The following FNDC1 variants were observed in gnomAD, a reference collection of about 807,000 sequenced individuals.
The protein encoded by FNDC1 is fibronectin type III domain-containing protein 1.
A neutral mutation model predicts 168.0 loss-of-function variants in FNDC1; 96 were observed. That is an observed-to-expected ratio of 0.57 (90% confidence interval 0.48 to 0.68). The LOEUF (loss-of-function observed/expected upper bound fraction) is 0.68, where lower values mean the gene tolerates loss of function less well. Among genes scored for constraint, FNDC1 ranks in the 30% least tolerant of loss-of-function variants. The pLI is 0.00. For missense variants in FNDC1, 2,587 were observed against 2,482.1 expected (o/e 1.04, Z -0.90); for synonymous variants, 1,099 against 1,025.9 (o/e 1.07, Z -1.36).
chr6:159,261,831 G>A (rs188673941), intron 19 of FNDC1, among the ~76,000 whole-genome samples: 4 of 152,304 alleles, frequency 2.6e-5, no homozygotes, highest in Admixed American at 2.0e-4. Flanking sequence ...GTCAGGGGTG[G>A]TGGCTCATGC....
chr6:159,231,090 T>C (rs978078900), intron 10 of FNDC1, among the ~76,000 whole-genome samples: 1 of 86,964 alleles, frequency 1.1e-5, no homozygotes, highest in Non-Finnish European at 3.6e-5. Flanking sequence ...AAATTACAAA[T>C]TGGGGCCGGG....
At position 159,261,263 on chromosome 6, in the gene FNDC1, G is replaced by C; in HGVS notation, c.5248G>C (p.Glu1750Gln). Reference sequence around the variant, plus strand: ...CAGCCCTTCGGTCTCATTTGTCACCGAATCAGGTATGAATGACTTCACATT... The same window carrying C: ...CAGCCCTTCGGTCTCATTTGTCACCCAATCAGGTATGAATGACTTCACATT... ...PISPSVSFVT[E>Q]SDNPLLVVRP... The change falls in exon 19 of 23, where the codon GAA becomes CAA. Residue 1750 changes from glutamate to glutamine, a missense_variant. Coordinates refer to ENST00000297267, the MANE Select transcript of FNDC1 (RefSeq NM_032532.3). 1 of 1,609,626 alleles carries C rather than the reference G, an allele frequency of 6.2e-7. No individual in the cohort carries two copies. The highest frequency in any genetic ancestry group is 8.5e-7 in the Non-Finnish European group (1 of 1,176,546).
Position 159,225,559 on chromosome 6 carries a change from G to A in FNDC1, c.909G>A (p.Glu303=). The change falls in exon 8 of 23, where the codon GAG becomes GAA. Residue 303 remains glutamate, a synonymous_variant. Coordinates refer to ENST00000297267, the MANE Select transcript of FNDC1 (RefSeq NM_032532.3). ...GACAGTACACCGTGCGCTATCGAGA[G>A]AAGGGGGAATTGGCCAGGTGGGATT... ...ASRQYTVRYR[E]KGELARWDYK... 6.2e-7 allele frequency: 1 copy of A among 1,613,654 alleles called. No individual in the cohort carries two copies. Among genetic ancestry groups the A allele is most frequent in the South Asian group, 1.1e-5 (1 of 91,012 alleles).
rs1376511734 is a variant in FNDC1 at position 159,249,084 on chromosome 6, C to T, written c.4736C>T (p.Ser1579Leu). ...AGGCCACCAACCACCACTGAGCCTT[C>T]GACCACTGCTACCACACCGAGGGTG... Reference protein sequence around the residue: ...TSRPPTTTEPSTTATTPRVIP... With the variant: ...TSRPPTTTEPLTTATTPRVIP... The change falls in exon 16 of 23, where the codon TCG becomes TTG. Residue 1579 changes from serine (S) to leucine (L), a missense_variant. Transcript: ENST00000297267. The T allele has an allele frequency of 1.4e-5, 22 of 1,605,050 alleles. No individual in the cohort carries two copies. Among genetic ancestry groups the T allele is most frequent in the African/African-American group, 8.0e-5 (6 of 74,862 alleles).
rs1781601682 is a variant in FNDC1 at position 159,169,491 on chromosome 6, GGACGGCGGCGGGGACCC to G, written c.-95_-79del. 9.1e-6 allele frequency: 2 copies of G among 218,662 alleles called. No individual in the cohort carries two copies. The highest frequency in any genetic ancestry group is 1.8e-3 in the Middle Eastern group (1 of 546). The allele number at this position is 218,662 out of a possible 1,614,324, so 13.5% of individuals were successfully genotyped here. A position where few individuals can be genotyped will look rare whatever the true frequency, so the allele number is the denominator to read the frequency against. On this transcript the variant is annotated 5_prime_UTR_variant, in exon 1 of 23. Transcript: ENST00000297267. The surrounding 1 kb of genome is among the most constrained non-coding windows in gnomAD (Gnocchi z 6.8). ...ACCGCGCAGAGCGCGCAGAACAGACGGACGGCGGCGGGGACCCGACGGCGGCGCCTCGGCACTCCCCA... is the reference window on the plus strand; with the variant it reads ...ACCGCGCAGAGCGCGCAGAACAGACGGACGGCGGCGCCTCGGCACTCCCCA...
Position 159,266,246 on chromosome 6 carries a change from G to A in FNDC1, c.5446+1G>A. On this transcript the variant is annotated splice_donor_variant, in intron 21 of 22. Coordinates refer to ENST00000297267, the MANE Select transcript of FNDC1 (RefSeq NM_032532.3). LOFTEE classifies it high-confidence loss of function. The stretch of plus-strand genomic sequence containing the variant: ...ATCTACCTCAGTGACAACCTGAAAG[G>A]TAAGTCTTTGTGCATGGTTGGCTAT... The A allele has an allele frequency of 6.2e-7, 1 of 1,613,802 alleles. No individual in the cohort carries two copies. Among genetic ancestry groups the A allele is most frequent in the African/African-American group, 1.3e-5 (1 of 75,028 alleles).
At chr6:159,214,877 T>A in intron 4 of FNDC1, 68 bp from the exon 5 acceptor site, 1 of 1,402,184 alleles carries the variant, frequency 7.1e-7, no homozygotes, top group Middle Eastern at 2.5e-4. Flanking sequence ...TCTGAAGACC[T>A]CATGTGCATG....
chr6:159,238,693 A>C, intron 13 of FNDC1, 28 bp downstream of exon 13: 10 of 1,427,512 alleles, frequency 7.0e-6, no homozygotes, highest in Non-Finnish European at 9.7e-6. Flanking sequence ...TTAAAGAATA[A>C]AAGCCTACTG....
At position 159,269,324 on chromosome 6, in the gene FNDC1, A is replaced by ACTATCTATCTATCTATCTATCTAT. The variant is rs534803404; in HGVS notation, c.5569+1419_5569+1420insTATCTATCTATCTATCTATCTATC. 1.4e-3 allele frequency among the ~76,000 whole-genome samples: 55 copies of ACTATCTATCTATCTATCTATCTAT among 40,474 alleles called. 2 individuals are homozygous for ACTATCTATCTATCTATCTATCTAT. Among genetic ancestry groups the ACTATCTATCTATCTATCTATCTAT allele is most frequent in the Non-Finnish European group, 1.8e-3 (28 of 15,562 alleles). 26.6% of individuals were successfully genotyped at this position (40,474 alleles called of 152,430 possible). On this transcript the variant is annotated intron_variant, in intron 22 of 22. Coordinates refer to ENST00000297267, the MANE Select transcript of FNDC1 (RefSeq NM_032532.3). ...TCCATCTATCCTATCTATTTATCTA[A>ACTATCTATCTATCTATCTATCTAT]CTATCTATCTATCTATCTATCCATT...
At chr6:159,251,910 T>A (rs1339656164) in intron 17 of FNDC1, among the ~76,000 whole-genome samples, 1 of 152,140 alleles carries the variant, frequency 6.6e-6, no homozygotes. Flanking sequence ...CCTTGCAGGA[T>A]CAGATCCTGC....
intron 6 of FNDC1, among the ~76,000 whole-genome samples, chr6:159,222,612 A>T (rs1782852949): frequency 6.6e-6 from 1 of 152,238 alleles, no homozygotes; most frequent in Non-Finnish European, 1.5e-5. Context: ...TGTGACTGTG[A>T]TATGTTCTAT....
chr6:159,234,308 G>T lies in FNDC1; in HGVS notation c.3796G>T (p.Ala1266Ser). 6.2e-7 allele frequency: 1 copy of T among 1,607,560 alleles called. No individual in the cohort carries two copies. Among genetic ancestry groups the T allele is most frequent in the Non-Finnish European group, 8.5e-7 (1 of 1,177,188 alleles). The change falls in exon 11 of 23, where the codon GCT (alanine) becomes TCT (serine). Residue 1266 changes from alanine (A) to serine (S), a missense_variant. By Grantham distance (99) the Ala-to-Ser change is moderately conservative. Transcript: ENST00000297267. Reference sequence around the variant, plus strand: ...CCCTTCCCGACTGCCGCCTCGCAGCGCTGCCACCGTGAGCCCCGTCGCGGG... The same window carrying T: ...CCCTTCCCGACTGCCGCCTCGCAGCTCTGCCACCGTGAGCCCCGTCGCGGG... ...HVPSRLPPRS[A>S]ATVSPVAGTH...
In FNDC1 at chr6:159,249,123, G is replaced by A. The variant is rs748074705; in HGVS notation, c.4775G>A (p.Gly1592Asp). 6 of 1,610,430 alleles carry A rather than the reference G, an allele frequency of 3.7e-6. No individual in the cohort carries two copies. The highest frequency in any genetic ancestry group is 4.5e-5 in the East Asian group (2 of 44,856). Reference sequence around the variant, plus strand: ...ACACCGAGGGTGATCCCAGAGGAAGGCGCCATCAGTTCCTTTCCTGAAGAA... The same window carrying A: ...ACACCGAGGGTGATCCCAGAGGAAGACGCCATCAGTTCCTTTCCTGAAGAA... ...ATTPRVIPEE[G>D]AISSFPEEEF... is the part of the protein sequence containing the mutation. The change falls in exon 16 of 23, where the codon GGC (glycine) becomes GAC (aspartate). Residue 1592 changes from glycine to aspartate, a missense_variant. Gly to Asp is a moderately conservative substitution (Grantham distance 94). Coordinates refer to ENST00000297267, the MANE Select transcript of FNDC1 (RefSeq NM_032532.3).
chr6:159,248,919 G>GTC (rs199737329), intron 15 of FNDC1, 120 bp from the exon 16 acceptor site: 37,385 of 805,336 alleles, frequency 0.046, 2,249 homozygotes, highest in East Asian at 0.29. Flanking sequence ...GTGTGTGTGT[G>GTC]TGTGTCTGTC....
intron 4 of FNDC1, among the ~76,000 whole-genome samples, chr6:159,203,909 T>C (rs1782427896): frequency 6.6e-6 from 1 of 152,164 alleles, no homozygotes; most frequent in Admixed American, 6.5e-5. Flanking sequence ...GAAACAGTAT[T>C]AGGTTCTGGT....
chr6:159,265,159 CT>C (rs1443825097), intron 20 of FNDC1, among the ~76,000 whole-genome samples, 155 bp downstream of exon 20: 1 of 152,188 alleles, frequency 6.6e-6, no homozygotes, highest in Non-Finnish European at 1.5e-5. Flanking sequence ...TCCTGATCTT[CT>C]TTACTCTGTG....
At chr6:159,221,727 C>A in intron 6 of FNDC1, 31 bp downstream of exon 6, 1 of 1,511,096 alleles carries the variant, frequency 6.6e-7, no homozygotes, top group Non-Finnish European at 9.2e-7. Context: ...TTGGTCAAAC[C>A]ATAGTCTGGT....
In FNDC1 at chr6:159,181,503, A is replaced by G. The variant is rs530956229; in HGVS notation, c.109+11798A>G. On this transcript the variant is annotated intron_variant, in intron 1 of 22. Transcript: ENST00000297267. Reference sequence around the variant, plus strand: ...TGGGGTTACAAAGATTTAGTAATAAAGAAGTTGGGATTGCTGTGGCCATAA... The same window carrying G: ...TGGGGTTACAAAGATTTAGTAATAAGGAAGTTGGGATTGCTGTGGCCATAA... Among the ~76,000 whole-genome samples the G allele has an allele frequency of 6.6e-5, 10 of 152,382 alleles. No individual in the cohort carries two copies. In the South Asian group the frequency reaches 1.7e-3, roughly 25 times the overall value.
rs1719541179 is a variant in FNDC1, at chr6:159,266,201, G to T, written c.5402G>T (p.Cys1801Phe). The T allele has an allele frequency of 6.2e-7, 1 of 1,613,872 alleles. No homozygotes were observed. Among genetic ancestry groups the T allele is most frequent in the Admixed American group, 1.7e-5 (1 of 60,016 alleles). Residue 1801 changes from cysteine to phenylalanine, a missense_variant, in exon 21 of 23, where the codon TGT becomes TTT. Transcript: ENST00000297267. ...WYRKFVGVVL[C>F]NSLRYKIYLS... ...CGAAAGTTCGTGGGAGTTGTTCTTT[G>T]TAATTCACTGAGGTATAAAATCTAC...
Sources: gnomAD v4.1 joint callset for allele counts (sites outside exome capture counted in the v4.1 genomes callset) on GRCh38, gnomAD v4.1.1 for gene constraint, Gnocchi (gnomAD v3.1) non-coding constraint, MANE v1.5 for transcripts, NCBI Gene and HGNC (gene_info 2026-07-23, HGNC 2026-07-21) for gene names.